CCDC171: variants seen among roughly 807,000 people sequenced by gnomAD.
CCDC171 encodes coiled-coil domain-containing protein 171.
In CCDC171, 177 loss-of-function variants were observed where a neutral mutation model predicts 168.2. The ratio of observed to expected loss-of-function variants is 1.05; its 90% confidence interval spans 0.93 to 1.19. The LOEUF is 1.19. Among genes scored for constraint, CCDC171 ranks in the 50% most tolerant of loss-of-function variants. The probability of loss-of-function intolerance (pLI) is 0.00; values close to 1 mark genes in which losing one functional copy is unlikely to be tolerated. For synonymous variants in CCDC171, 687 were observed against 540.8 expected, an observed-to-expected ratio of 1.27 and a Z score of -3.75; for missense variants, 1,991 against 1,539.0, an observed-to-expected ratio of 1.29 and a Z score of -4.91.
intron 24 of CCDC171, among the ~76,000 whole-genome samples, chr9:15,879,374 T>A (rs1448900054): frequency 1.3e-5 from 2 of 152,188 alleles, no homozygotes; most frequent in African/African-American, 2.4e-5. Context: ...CTATATACAA[T>A]GTGCAATGAT....
chr9:15,919,431 T>C (rs549888959), intron 24 of CCDC171, among the ~76,000 whole-genome samples: 1 of 151,832 alleles, frequency 6.6e-6, no homozygotes, highest in Admixed American at 6.6e-5. Context: ...ACCTTTATAC[T>C]AAGTTGTGGC....
In CCDC171 at chr9:15,990,919, C is replaced by T. The variant is rs1363334369; in HGVS notation, n.369-29670C>T. Reference sequence around the variant, plus strand: ...CACCCAATACAGGAGCACCCAGATTCATAAAGCAAGTCCTTAGAGACCTAC... The same window carrying T: ...CACCCAATACAGGAGCACCCAGATTTATAAAGCAAGTCCTTAGAGACCTAC... On this transcript the variant is annotated intron_variant and non_coding_transcript_variant, in intron 3 of 9. Transcript: ENST00000486641. Among the ~76,000 whole-genome samples, 4 of 152,186 alleles carry T rather than the reference C, an allele frequency of 2.6e-5. No homozygotes were observed. In the East Asian group the frequency reaches 7.7e-4, roughly 29 times the overall value.
At chr9:15,593,090 G>A (rs979098434) in intron 5 of CCDC171, among the ~76,000 whole-genome samples, 3 of 151,810 alleles carry the variant, frequency 2.0e-5, no homozygotes, top group Non-Finnish European at 4.4e-5. Context: ...GAGACCCTTG[G>A]GACAGTTTGG....
intron 16 of CCDC171, among the ~76,000 whole-genome samples, chr9:15,743,756 G>C (rs1301655997): frequency 6.6e-6 from 1 of 152,160 alleles, no homozygotes; most frequent in Non-Finnish European, 1.5e-5. Context: ...GAGTATCCTT[G>C]AGAGACAGTG....
intron 25 of CCDC171, among the ~76,000 whole-genome samples, chr9:15,953,974 T>C (rs1829495285): frequency 1.3e-5 from 2 of 152,078 alleles, no homozygotes; most frequent in Admixed American, 1.3e-4. Flanking sequence ...TTGTTCATAG[T>C]ACTCTTACAA....
At chr9:15,920,194 G>A in intron 24 of CCDC171, 76 bp from the exon 25 acceptor site, 1 of 889,226 alleles carries the variant, frequency 1.1e-6, no homozygotes, top group Non-Finnish European at 1.6e-6. Context: ...TAATGGTTTT[G>A]CTTTCAAATT....
chr9:15,587,837 G>C (rs1009084785), intron 4 of CCDC171: 1 of 252,070 alleles, frequency 4.0e-6, no homozygotes, highest in African/African-American at 2.3e-5. Context: ...AGGCTCTGCA[G>C]GGAGAACATT....
chr9:15,921,393 C>A (rs79417417), intron 25 of CCDC171, among the ~76,000 whole-genome samples: 3,321 of 151,846 alleles, frequency 0.022, 51 homozygotes, highest in Middle Eastern at 0.058. Context: ...CCCATATTTC[C>A]TGTCTACCTT....
intron 21 of CCDC171, among the ~76,000 whole-genome samples, chr9:15,803,570 G>T (rs910447199): frequency 5.3e-5 from 8 of 152,212 alleles, no homozygotes; most frequent in African/African-American, 1.9e-4. Flanking sequence ...TCAGATGGTT[G>T]TAGATGTATG....
chr9:15,682,253 C>T (rs1415909099), intron 10 of CCDC171, among the ~76,000 whole-genome samples: 2 of 152,010 alleles, frequency 1.3e-5, no homozygotes, highest in Non-Finnish European at 2.9e-5. Flanking sequence ...GGGCTAGATA[C>T]AGCAGCAGAG....
intron 1 of CCDC171, among the ~76,000 whole-genome samples, chr9:16,053,347 T>C (rs1273327520): frequency 6.6e-6 from 1 of 152,242 alleles, no homozygotes. Context: ...CCCGGCATCA[T>C]GGCAGCCTCG....
chr9:15,746,175 G>A (rs1228737405), intron 18 of CCDC171, among the ~76,000 whole-genome samples: 4 of 152,030 alleles, frequency 2.6e-5, no homozygotes, highest in Non-Finnish European at 5.9e-5. Flanking sequence ...GATTCGGATT[G>A]CATGATATTT....
In CCDC171 at chr9:15,863,365, A is replaced by G. The variant is rs571918081; in HGVS notation, c.3469-11167A>G. Among the ~76,000 whole-genome samples, 3 of 152,140 alleles carry G rather than the reference A, an allele frequency of 2.0e-5. No homozygotes were observed. In the East Asian group the frequency reaches 5.8e-4, roughly 30 times the overall value. ...ACTTTCTTGAATTTCCATAAAGGGA[A>G]TTGATATGTGCCATTGCATCAGTGT... On this transcript the variant is annotated intron_variant, in intron 23 of 25. Transcript: ENST00000380701.
chr9:15,967,768 A>G (rs1830946774), intron 25 of CCDC171, among the ~76,000 whole-genome samples: 1 of 152,146 alleles, frequency 6.6e-6, no homozygotes, highest in South Asian at 2.1e-4. Flanking sequence ...CATAATCTCC[A>G]TGCAATACTA....
downstream of CCDC171, among the ~76,000 whole-genome samples, chr9:16,061,925 A>G (rs890363546): frequency 5.3e-5 from 8 of 152,226 alleles, no homozygotes; most frequent in Non-Finnish European, 1.0e-4. Flanking sequence ...ACTGATTTCC[A>G]TGGTATAAAC....
intron 6 of CCDC171, among the ~76,000 whole-genome samples, chr9:16,027,431 C>G (rs560661502): frequency 2.6e-5 from 4 of 152,150 alleles, no homozygotes; most frequent in Non-Finnish European, 5.9e-5. Flanking sequence ...CTCCACCACT[C>G]AAGTCAGTCT....
At chr9:15,662,293 C>A (rs536265841) in intron 8 of CCDC171, among the ~76,000 whole-genome samples, 13 of 151,856 alleles carry the variant, frequency 8.6e-5, no homozygotes, top group Admixed American at 3.9e-4. Context: ...CCCTCCCCCC[C>A]AAAAAAGAAT....
chr9:15,975,800 G>A (rs1831602692), downstream of CCDC171, among the ~76,000 whole-genome samples: 1 of 152,156 alleles, frequency 6.6e-6, no homozygotes, highest in South Asian at 2.1e-4. Context: ...CGTACGAGAT[G>A]TTCATAATAC....
At chr9:15,648,733 C>G (rs1217633025) in intron 7 of CCDC171, among the ~76,000 whole-genome samples, 3 of 151,972 alleles carry the variant, frequency 2.0e-5, no homozygotes, top group Non-Finnish European at 4.4e-5. Flanking sequence ...AACCAGTGCT[C>G]AACAAAATAA....
Sources: allele counts gnomAD v4.1 joint callset (sites outside exome capture counted in the v4.1 genomes callset), GRCh38; gene constraint gnomAD v4.1.1; transcripts MANE v1.5; gene names NCBI Gene and HGNC (gene_info 2026-07-23, HGNC 2026-07-21).